The following RGS8 variants were observed in gnomAD, a reference collection of about 807,000 sequenced individuals.
RGS8 encodes regulator of G-protein signaling 8.
In RGS8, 8 loss-of-function variants were observed where a neutral mutation model predicts 21.7. The observed-to-expected ratio is 0.37, with a 90% CI of 0.22 to 0.66. The LOEUF (loss-of-function observed/expected upper bound fraction) is 0.66, where lower values mean the gene tolerates loss of function less well. Ranked by LOEUF, RGS8 falls within the 30% of genes least tolerant of loss-of-function variation. The probability of loss-of-function intolerance (pLI) is 0.59; values close to 1 mark genes in which losing one functional copy is unlikely to be tolerated. For synonymous variants in RGS8, 80 were observed against 83.6 expected, an observed-to-expected ratio of 0.96 and a Z score of 0.24; for missense variants, 157 against 217.9, an observed-to-expected ratio of 0.72 and a Z score of 1.76.
the RGS8 span, among the ~76,000 whole-genome samples, chr1:182,741,965 G>C: frequency 2.0e-5 from 3 of 146,614 alleles, no homozygotes; most frequent in Non-Finnish European, 4.6e-5. Context: ...GCTGGGCGGA[G>C]GGGCTCCTCA....
chr1:182,746,966 T>C, the RGS8 span, among the ~76,000 whole-genome samples: 2 of 147,698 alleles, frequency 1.4e-5, no homozygotes, highest in African/African-American at 2.5e-5. Context: ...TGCAATGGCA[T>C]GAACATAGCT....
At chr1:182,720,642 G>A in the RGS8 span, among the ~76,000 whole-genome samples, 2 of 152,018 alleles carry the variant, frequency 1.3e-5, no homozygotes, top group African/African-American at 4.8e-5. Flanking sequence ...GCAGGCCCAT[G>A]TTCTGAGCAT....
the RGS8 span, among the ~76,000 whole-genome samples, chr1:182,725,851 G>A: frequency 0.053 from 8,037 of 152,188 alleles, 255 homozygotes; most frequent in Middle Eastern, 0.075. Context: ...TATTAATTGG[G>A]CCTAAATAAA....
upstream of RGS8, chr1:182,671,975 C>T (rs1664187523): frequency 7.7e-7 from 1 of 1,291,858 alleles, no homozygotes; most frequent in Non-Finnish European, 1.0e-6. Flanking sequence ...GCACAGTCTG[C>T]ACGCCCATCC....
the RGS8 span, among the ~76,000 whole-genome samples, chr1:182,694,437 TCAA>T: frequency 6.6e-6 from 1 of 152,196 alleles, no homozygotes; most frequent in Non-Finnish European, 1.5e-5. Context: ...CTTGGCCTGG[TCAA>T]CTTTTTAAAA....
intron 2 of RGS8, 37 bp from the exon 4 acceptor site, chr1:182,669,789 T>G: frequency 3.3e-6 from 5 of 1,521,292 alleles, no homozygotes; most frequent in Non-Finnish European, 4.4e-6. Flanking sequence ...GGGGCCACCC[T>G]CTCTCATCTG....
the RGS8 span, chr1:182,712,902 T>C: frequency 6.6e-6 from 1 of 152,228 alleles, no homozygotes; most frequent in Admixed American, 6.5e-5. Flanking sequence ...AAGGGGAGAC[T>C]GGGGCTGTAG....
chr1:182,691,220 T>C, the RGS8 span, among the ~76,000 whole-genome samples: 1 of 152,188 alleles, frequency 6.6e-6, no homozygotes, highest in East Asian at 1.9e-4. Context: ...AACCACTAAG[T>C]TTTAGGATGT....
chr1:182,670,397 G>T (rs16859429), intron 2 of RGS8, among the ~76,000 whole-genome samples: 16 of 152,194 alleles, frequency 1.1e-4, no homozygotes, highest in Admixed American at 8.5e-4. Context: ...TATTCTTGAC[G>T]CGAAGCAGGA....
chr1:182,665,689 T>TAAA (rs1386799579), intron 5 of RGS8, among the ~76,000 whole-genome samples: 1 of 152,186 alleles, frequency 6.6e-6, no homozygotes, highest in African/African-American at 2.4e-5. Flanking sequence ...TCCAAACCCC[T>TAAA]AAGCTAAACT....
the RGS8 span, among the ~76,000 whole-genome samples, chr1:182,692,076 A>G: frequency 6.6e-6 from 1 of 151,070 alleles, no homozygotes; most frequent in Admixed American, 6.6e-5. Context: ...CACAATCTCA[A>G]CTCACTGCAA....
the RGS8 span, among the ~76,000 whole-genome samples, chr1:182,713,702 G>C: frequency 6.6e-6 from 1 of 152,126 alleles, no homozygotes; most frequent in Non-Finnish European, 1.5e-5. Flanking sequence ...TTAGTAACTA[G>C]CAATTGTTTA....
In RGS8 at chr1:182,669,609, C is replaced by T. The variant is rs190672898; in HGVS notation, c.26+15G>A. 56 of 1,614,210 alleles carry T rather than the reference C, an allele frequency of 3.5e-5. No individual in the cohort carries two copies. In the East Asian group the frequency reaches 1.2e-3, roughly 34 times the overall value. On this transcript the variant is annotated intron_variant, in intron 3 of 6. Coordinates refer to ENST00000483095, the Ensembl canonical transcript of RGS8. ...AAAGGGTCAGGGGCAAGAAAACAGG[C>T]CATTGATTCATTACCTGCGTGGCAT...
the RGS8 span, among the ~76,000 whole-genome samples, chr1:182,695,866 C>T: frequency 6.6e-6 from 1 of 152,150 alleles, no homozygotes; most frequent in South Asian, 2.1e-4. Context: ...GGGTTATATA[C>T]ATTCTGTATC....
At chr1:182,705,116 T>C in the RGS8 span, among the ~76,000 whole-genome samples, 11 of 152,286 alleles carry the variant, frequency 7.2e-5, no homozygotes, top group East Asian at 2.1e-3. Context: ...CATATAGATA[T>C]ATAAAAATAA....
the RGS8 span, among the ~76,000 whole-genome samples, chr1:182,715,332 C>A: frequency 3.3e-5 from 5 of 152,166 alleles, no homozygotes; most frequent in Non-Finnish European, 7.3e-5. Flanking sequence ...TAGCATACTG[C>A]AAAGCAGGCA....
intron 1 of RGS8, among the ~76,000 whole-genome samples, chr1:182,678,869 C>T (rs1664453268): frequency 6.6e-6 from 1 of 152,112 alleles, no homozygotes; most frequent in Non-Finnish European, 1.5e-5. Flanking sequence ...ACTCTTCACA[C>T]CCTCACAACC....
chr1:182,650,613 A>G (rs1164151957), intron 5 of RGS8, among the ~76,000 whole-genome samples: 1 of 152,192 alleles, frequency 6.6e-6, no homozygotes, highest in Non-Finnish European at 1.5e-5. Flanking sequence ...TGTAGTCTCA[A>G]CATTTGGGAG....
chr1:182,720,913 GTATATACA>G, the RGS8 span, among the ~76,000 whole-genome samples: 37 of 95,794 alleles, frequency 3.9e-4, no homozygotes, highest in African/African-American at 1.7e-3. Flanking sequence ...ATATGTGTGT[GTATATACA>G]TATATACATA....
Sources: allele counts gnomAD v4.1 joint callset (sites outside exome capture counted in the v4.1 genomes callset), GRCh38; gene constraint gnomAD v4.1.1; transcripts MANE v1.5; gene names NCBI Gene and HGNC (gene_info 2026-07-23, HGNC 2026-07-21).